The following TRABD2A variants were observed in gnomAD, a reference collection of about 807,000 sequenced individuals.
TRABD2A encodes the protein metalloprotease TIKI1.
Under a neutral mutation model 45.6 loss-of-function variants are expected in TRABD2A, and 43 were observed. That is an observed-to-expected ratio of 0.94 (90% confidence interval 0.74 to 1.22). The LOEUF is 1.22. Among genes scored for constraint, TRABD2A ranks in the 50% most tolerant of loss-of-function variants. The probability of loss-of-function intolerance (pLI) is 0.00; values close to 1 mark genes in which losing one functional copy is unlikely to be tolerated. For missense variants in TRABD2A, 642 were observed against 652.4 expected (o/e 0.98, Z 0.17); for synonymous variants, 269 against 265.0 (o/e 1.02, Z -0.15).
intron 5 of TRABD2A, among the ~76,000 whole-genome samples, chr2:84,825,430 C>A (rs1285936581): frequency 6.6e-6 from 1 of 152,076 alleles, no homozygotes; most frequent in Non-Finnish European, 1.5e-5. Context: ...CCTAAAATGG[C>A]AAAGGATTAA....
At chr2:84,875,887 G>GGACTGGTAGGTT in intron 1 of TRABD2A, among the ~76,000 whole-genome samples, 1 of 152,018 alleles carries the variant, frequency 6.6e-6, no homozygotes, top group Non-Finnish European at 1.5e-5. Context: ...CAGCTACTTA[G>GGACTGGTAGGTT]GAGGTTGAGG....
At chr2:84,855,520 CAT>C (rs1158014425) in intron 2 of TRABD2A, among the ~76,000 whole-genome samples, 1 of 152,148 alleles carries the variant, frequency 6.6e-6, no homozygotes, top group African/African-American at 2.4e-5. Flanking sequence ...TCCAATGACA[CAT>C]ATTCACTCCA....
At chr2:84,855,053 G>A (rs1420932651) in intron 2 of TRABD2A, among the ~76,000 whole-genome samples, 1 of 152,030 alleles carries the variant, frequency 6.6e-6, no homozygotes, top group Non-Finnish European at 1.5e-5. Flanking sequence ...AGCCATGCCA[G>A]TTACACCTGA....
intron 1 of TRABD2A, among the ~76,000 whole-genome samples, chr2:84,874,533 G>T (rs546889164): frequency 2.6e-5 from 4 of 152,344 alleles, no homozygotes; most frequent in South Asian, 2.1e-4. Flanking sequence ...AAGTCTTTCA[G>T]CCTGGAGGAG....
At chr2:84,823,706 C>G (rs1253123071) in intron 6 of TRABD2A, among the ~76,000 whole-genome samples, 2 of 152,164 alleles carry the variant, frequency 1.3e-5, no homozygotes, top group African/African-American at 4.8e-5. Context: ...TTAACAGACT[C>G]ATCCTACCCC....
At chr2:84,865,464 C>T (rs957904604) in intron 2 of TRABD2A, among the ~76,000 whole-genome samples, 1 of 152,260 alleles carries the variant, frequency 6.6e-6, no homozygotes, top group African/African-American at 2.4e-5. Flanking sequence ...ATCCAACTAA[C>T]TGCCTCTTAG....
At chr2:84,873,094 G>GCA (rs1682915297) in intron 1 of TRABD2A, among the ~76,000 whole-genome samples, 3 of 125,430 alleles carry the variant, frequency 2.4e-5, no homozygotes, top group South Asian at 2.6e-4. Flanking sequence ...CAGCCTAGGG[G>GCA]ACAGAGCGAG....
chr2:84,879,472 T>C, intron 1 of TRABD2A: 1 of 446,842 alleles, frequency 2.2e-6, no homozygotes, highest in Non-Finnish European at 3.0e-6. Context: ...TGAGCTACCA[T>C]GCCGGGCTTC....
chr2:84,861,937 G>T (rs1682513411), intron 2 of TRABD2A, among the ~76,000 whole-genome samples: 1 of 152,226 alleles, frequency 6.6e-6, no homozygotes, highest in East Asian at 1.9e-4. Flanking sequence ...CTAAATGACT[G>T]TGAATGCAAA....
At chr2:84,870,198 A>G in intron 2 of TRABD2A, 27 bp downstream of exon 2, 1 of 1,572,750 alleles carries the variant, frequency 6.4e-7, no homozygotes, top group Non-Finnish European at 8.7e-7. Context: ...AAATGCCACT[A>G]AGTCTTTTAT....
chr2:84,879,458 G>T, intron 1 of TRABD2A: 1 of 341,260 alleles, frequency 2.9e-6, no homozygotes, highest in Non-Finnish European at 4.1e-6. Flanking sequence ...TGGGATTACA[G>T]GAGTGAGCTA....
intron 5 of TRABD2A, among the ~76,000 whole-genome samples, chr2:84,826,619 G>A (rs1230855590): frequency 3.3e-5 from 5 of 152,124 alleles, no homozygotes; most frequent in African/African-American, 4.8e-5. Context: ...TGCAACCTCC[G>A]CCTCCCAGGT....
At chr2:84,875,810 T>G (rs374483621) in intron 1 of TRABD2A, among the ~76,000 whole-genome samples, 1 of 152,084 alleles carries the variant, frequency 6.6e-6, no homozygotes, top group African/African-American at 2.4e-5. Flanking sequence ...CTGGACAACA[T>G]AGCAAGACCC....
At chr2:84,825,565 A>G (rs779788055) in intron 5 of TRABD2A, among the ~76,000 whole-genome samples, 3 of 152,210 alleles carry the variant, frequency 2.0e-5, no homozygotes, top group Admixed American at 6.5e-5. Context: ...AATGCCTGGT[A>G]CATAACTGTG....
At chr2:84,873,216 T>C (rs1682923967) in intron 1 of TRABD2A, among the ~76,000 whole-genome samples, 2 of 147,582 alleles carry the variant, frequency 1.4e-5, no homozygotes, top group African/African-American at 5.0e-5. Context: ...AGGTCAGGAG[T>C]TCAAGCCTGT....
Position 84,881,017 on chromosome 2 carries a change from A to G in TRABD2A, c.23T>C (p.Leu8Pro). 6.2e-7 allele frequency: 1 copy of G among 1,605,356 alleles called. No individual in the cohort carries two copies. The highest frequency in any genetic ancestry group is 1.1e-5 in the South Asian group (1 of 89,500). The change falls in exon 1 of 7, where the codon CTG (leucine) becomes CCG (proline). Residue 8 changes from leucine (L) to proline (P), a missense_variant. By Grantham distance (98) the Leu-to-Pro change is moderately conservative. Transcript: ENST00000409520. ...GGGCAGGAGGCAGAGGGTCTGCAGC[A>G]GGAACCAGCTCCAGGGACTCATCCT... Reference protein sequence around the residue: MSPWSWFLLQTLCLLPTG... With the variant: MSPWSWFPLQTLCLLPTG...
At chr2:84,831,959 C>A (rs1681352998) in intron 5 of TRABD2A, 96 bp downstream of exon 5, 5 of 1,226,208 alleles carry the variant, frequency 4.1e-6, no homozygotes, top group Non-Finnish European at 6.0e-6. Flanking sequence ...GGCAGGGGTT[C>A]TCTGGAGCTC....
chr2:84,833,342 G>GA (rs904371330), intron 4 of TRABD2A: 5 of 151,926 alleles, frequency 3.3e-5, no homozygotes. Context: ...ACCTAAATAA[G>GA]AAAAAAAGTC....
At chr2:84,835,977 C>T (rs1374180676) in intron 4 of TRABD2A, 1 of 152,138 alleles carries the variant, frequency 6.6e-6, no homozygotes, top group Non-Finnish European at 1.5e-5. Context: ...CATTAAACAG[C>T]CCAACTCTGA....
Sources: allele counts gnomAD v4.1 joint callset (sites outside exome capture counted in the v4.1 genomes callset), GRCh38; gene constraint gnomAD v4.1.1; transcripts MANE v1.5; gene names NCBI Gene and HGNC (gene_info 2026-07-23, HGNC 2026-07-21).